The following SHQ1 variants were observed in gnomAD, a reference collection of about 807,000 sequenced individuals.
SHQ1 encodes the protein SHQ1, H/ACA ribonucleoprotein assembly factor.
In SHQ1, 49 loss-of-function variants were observed where a neutral mutation model predicts 53.8. The observed-to-expected ratio is 0.91, with a 90% confidence interval of 0.72 to 1.16. The LOEUF is 1.16. Among genes scored for constraint, SHQ1 ranks in the 50% most tolerant of loss-of-function variants. The pLI is 0.00. For missense variants in SHQ1, 738 were observed against 683.1 expected, an observed-to-expected ratio of 1.08 and a Z score of -0.90; for synonymous variants, 243 against 251.0, an observed-to-expected ratio of 0.97 and a Z score of 0.30.
intron 10 of SHQ1, among the ~76,000 whole-genome samples, chr3:72,779,619 C>A (rs1706032701): frequency 6.6e-6 from 1 of 152,184 alleles, no homozygotes; most frequent in South Asian, 2.1e-4. Context: ...ACAGTAGGAA[C>A]TCATAAACTA....
chr3:72,763,040 C>A (rs1315867901), intron 10 of SHQ1, among the ~76,000 whole-genome samples: 1 of 138,540 alleles, frequency 7.2e-6, no homozygotes, highest in Non-Finnish European at 1.5e-5. Context: ...CACACACACA[C>A]ACACACACAC....
At chr3:72,763,044 C>T (rs1219532456) in intron 10 of SHQ1, among the ~76,000 whole-genome samples, 1 of 140,312 alleles carries the variant, frequency 7.1e-6, no homozygotes, top group African/African-American at 2.9e-5. Flanking sequence ...CACACACACA[C>T]ACACACACAC....
chr3:72,784,103 A>T (rs903470444), intron 10 of SHQ1, among the ~76,000 whole-genome samples: 3 of 151,894 alleles, frequency 2.0e-5, no homozygotes, highest in East Asian at 1.9e-4. Flanking sequence ...TTTTTCTGCA[A>T]ATCTAAAACT....
At chr3:72,744,928 G>GCA (rs1559654877), downstream of SHQ1, among the ~76,000 whole-genome samples, 6 of 141,198 alleles carry the variant, frequency 4.2e-5, no homozygotes, top group Non-Finnish European at 7.7e-5. Context: ...TACATTGGGG[G>GCA]GGGGGGGTGG....
chr3:72,768,310 T>G lies in SHQ1; in HGVS notation c.1182-17474A>C, dbSNP rs573886752. Among the ~76,000 whole-genome samples, 5 of 152,324 alleles carry G rather than the reference T, an allele frequency of 3.3e-5. No individual in the cohort carries two copies. The East Asian group carries it at 9.6e-4, about 29-fold the overall frequency. ...TGAGGGAGAGGCAGTTTGACTTTCT[T>G]CTTTCCTAGTGCTCCCGATGGCAAG... On this transcript the variant is annotated intron_variant, in intron 10 of 10. Coordinates refer to ENST00000325599, the MANE Select transcript of SHQ1 (RefSeq NM_018130.3).
intron 10 of SHQ1, 103 bp downstream of exon 10, chr3:72,792,813 A>C: frequency 1.4e-6 from 1 of 727,448 alleles, no homozygotes; most frequent in Non-Finnish European, 2.1e-6. Flanking sequence ...AAAAAAAAAC[A>C]CAACTTACTC....
chr3:72,746,703 C>G (rs1705265181), downstream of SHQ1, among the ~76,000 whole-genome samples: 1 of 152,110 alleles, frequency 6.6e-6, no homozygotes, highest in Admixed American at 6.6e-5. Context: ...TTTTTCTACC[C>G]AAGACAAGTC....
At chr3:72,835,352 TTCTC>T (rs1707959934) in intron 4 of SHQ1, among the ~76,000 whole-genome samples, 1 of 152,054 alleles carries the variant, frequency 6.6e-6, no homozygotes, top group South Asian at 2.1e-4. Context: ...TCGGTTTCCT[TTCTC>T]TCTGTCTCCC....
chr3:72,807,488 T>TA (rs1451137005), intron 9 of SHQ1, among the ~76,000 whole-genome samples: 1 of 152,208 alleles, frequency 6.6e-6, no homozygotes, highest in Non-Finnish European at 1.5e-5. Context: ...ACTGGGAACT[T>TA]ACAGAAGTTA....
At chr3:72,738,716 A>T in the SHQ1 span, among the ~76,000 whole-genome samples, 1 of 152,112 alleles carries the variant, frequency 6.6e-6, no homozygotes, top group Non-Finnish European at 1.5e-5. Flanking sequence ...CTCTGCTCAG[A>T]ACTTCACCTG....
chr3:72,834,555 G>A (rs1707934072), intron 4 of SHQ1, among the ~76,000 whole-genome samples: 1 of 152,136 alleles, frequency 6.6e-6, no homozygotes, highest in African/African-American at 2.4e-5. Context: ...GTCGTCACTG[G>A]AACATCCAGA....
chr3:72,772,849 G>GC, intron 10 of SHQ1: 2 of 772,580 alleles, frequency 2.6e-6, no homozygotes, highest in Non-Finnish European at 4.8e-6. Context: ...ATCTAAAGTT[G>GC]CCCCATCAAA....
chr3:72,804,795 C>T (rs1370866555), intron 9 of SHQ1, among the ~76,000 whole-genome samples: 5 of 152,142 alleles, frequency 3.3e-5, no homozygotes, highest in African/African-American at 9.7e-5. Context: ...TTTGAAGTTG[C>T]AATGAGCCAT....
chr3:72,825,841 T>C (rs1707635927), intron 5 of SHQ1, among the ~76,000 whole-genome samples: 1 of 152,188 alleles, frequency 6.6e-6, no homozygotes, highest in African/African-American at 2.4e-5. Flanking sequence ...GCCTTCCCTT[T>C]CAACTGAGAT....
chr3:72,796,684 G>A (rs1230572218), intron 9 of SHQ1, among the ~76,000 whole-genome samples: 3 of 151,464 alleles, frequency 2.0e-5, no homozygotes, highest in Non-Finnish European at 4.4e-5. Context: ...GTCGGGCATG[G>A]TGGCATACGT....
chr3:72,780,025 CAGG>C (rs1315460839), intron 10 of SHQ1, among the ~76,000 whole-genome samples: 2 of 152,160 alleles, frequency 1.3e-5, no homozygotes, highest in African/African-American at 4.8e-5. Context: ...TGCTTGAGGC[CAGG>C]AGTTCGAGAC....
chr3:72,807,001 T>C (rs931455496), intron 9 of SHQ1, among the ~76,000 whole-genome samples: 1 of 152,236 alleles, frequency 6.6e-6, no homozygotes, highest in Admixed American at 6.5e-5. Context: ...TCTAGTGCTC[T>C]TTATATTTAC....
In SHQ1 at chr3:72,815,361, A is replaced by G; in HGVS notation, c.925T>C (p.Cys309Arg). ...WNIRKLSPTL[C>R]WFETWTNVHD... is the part of the protein sequence containing the mutation. ...ACTGGAAATCATACCTCAAACCAGC[A>G]TAGTGTTGGACTCAGTTTCCTGATA... is the stretch of plus-strand genomic sequence containing the variant. Residue 309 changes from cysteine to arginine, a missense_variant, in exon 8 of 11, where the codon TGC becomes CGC. Cys to Arg is a radical substitution (Grantham distance 180). Transcript: ENST00000325599. The G allele has an allele frequency of 6.2e-7, 1 of 1,613,412 alleles. No homozygotes were observed. The highest frequency in any genetic ancestry group is 8.5e-7 in the Non-Finnish European group (1 of 1,179,640).
At chr3:72,806,545 A>C (rs1288562750) in intron 9 of SHQ1, among the ~76,000 whole-genome samples, 1 of 152,214 alleles carries the variant, frequency 6.6e-6, no homozygotes, top group African/African-American at 2.4e-5. Flanking sequence ...TAATATTTAA[A>C]AAGTAGAGAC....
Sources: gnomAD v4.1 joint callset for allele counts (sites outside exome capture counted in the v4.1 genomes callset) on GRCh38, gnomAD v4.1.1 for gene constraint, MANE v1.5 for transcripts, NCBI Gene and HGNC (gene_info 2026-07-23, HGNC 2026-07-21) for gene names.